Variants in GRM4 observed in about 807,000 individuals in gnomAD.
GRM4 encodes the protein metabotropic glutamate receptor 4.
In GRM4, 28 loss-of-function variants were observed where a neutral mutation model predicts 81.7. The observed-to-expected ratio is 0.34, with a 90% CI of 0.25 to 0.47. The LOEUF is 0.47. Ranked by LOEUF, GRM4 falls within the 20% of genes least tolerant of loss-of-function variation. The probability of loss-of-function intolerance (pLI) is 1.00; values close to 1 mark genes in which losing one functional copy is unlikely to be tolerated. For missense variants in GRM4, 948 were observed against 1,290.0 expected (o/e 0.73, Z 4.06); for synonymous variants, 488 against 528.8 (o/e 0.92, Z 1.06).
intron 1 of GRM4, among the ~76,000 whole-genome samples, chr6:34,144,283 C>T (rs1426966922): frequency 1.3e-5 from 2 of 152,198 alleles, no homozygotes; most frequent in Non-Finnish European, 2.9e-5. Flanking sequence ...GGCCCCGCCC[C>T]CGCGCGGGGA....
upstream of GRM4, among the ~76,000 whole-genome samples, chr6:34,149,995 C>T (rs939883958): frequency 1.3e-5 from 2 of 152,136 alleles, no homozygotes; most frequent in Admixed American, 1.3e-4. Context: ...AATTTGCTCT[C>T]AGGATACTGC....
intron 2 of GRM4, among the ~76,000 whole-genome samples, chr6:34,095,063 A>G (rs1464634993): frequency 6.6e-6 from 1 of 152,134 alleles, no homozygotes; most frequent in Non-Finnish European, 1.5e-5. Flanking sequence ...CACGGCACAC[A>G]CTGCATTCTC....
At chr6:34,143,419 G>A (rs144159282) in intron 1 of GRM4, among the ~76,000 whole-genome samples, 3 of 152,246 alleles carry the variant, frequency 2.0e-5, no homozygotes, top group African/African-American at 4.8e-5. Flanking sequence ...TTCGAGAGCC[G>A]GTTCAGCAGT....
At chr6:34,054,991 T>C (rs1387396680) in intron 6 of GRM4, 3 of 152,362 alleles carry the variant, frequency 2.0e-5, no homozygotes, top group Admixed American at 2.0e-4. Flanking sequence ...TTGTGATTAC[T>C]GCCTGATGCA....
chr6:34,062,061 C>T, intron 3 of GRM4, 33 bp from the exon 4 acceptor site: 1 of 1,587,906 alleles, frequency 6.3e-7, no homozygotes, highest in Non-Finnish European at 8.6e-7. Context: ...TTGGGGTGGG[C>T]AGGGGAACCT....
rs1769540780 is a variant in GRM4 at position 34,115,153 on chromosome 6, C to T, written c.519+17825G>A. ...GGTTGAGAGGTGGTCAGGGCCCTGC[C>T]TAAACGCCAACACGCTGCCTCTGGG... On this transcript the variant is annotated intron_variant, in intron 2 of 10. Coordinates refer to ENST00000538487, the MANE Select transcript of GRM4 (RefSeq NM_000841.4). The surrounding 1 kb of genome is among the most constrained non-coding windows in gnomAD (Gnocchi z 4.1). Among the ~76,000 whole-genome samples, 1 of 152,204 alleles carries T rather than the reference C, an allele frequency of 6.6e-6. No homozygotes were observed. Among genetic ancestry groups the T allele is most frequent in the Admixed American group, 6.5e-5 (1 of 15,278 alleles).
At chr6:34,030,058 G>T (rs570792034) in intron 9 of GRM4, among the ~76,000 whole-genome samples, 14 of 152,340 alleles carry the variant, frequency 9.2e-5, no homozygotes, top group Admixed American at 7.8e-4. Flanking sequence ...GGAGGGAAAG[G>T]TCATGACCAG....
chr6:34,134,932 C>G (rs1033217875), intron 1 of GRM4, among the ~76,000 whole-genome samples: 9 of 152,226 alleles, frequency 5.9e-5, no homozygotes, highest in Admixed American at 1.3e-4. Flanking sequence ...CCAGCCTCCC[C>G]ACTCAAAGCC....
chr6:34,110,816 CCTGG>C (rs1769344554), intron 2 of GRM4: 1 of 1,381,992 alleles, frequency 7.2e-7, no homozygotes, highest in African/African-American at 1.5e-5. Flanking sequence ...ATCTGTCTTG[CCTGG>C]CAGCTCTCCT....
chr6:34,023,050 G>A lies in GRM4; in HGVS notation c.2690-180C>T, dbSNP rs773848763. Among the ~76,000 whole-genome samples the A allele has an allele frequency of 7.1e-4, 108 of 152,220 alleles. 1 individual carries two copies. Among genetic ancestry groups the A allele is most frequent in the Admixed American group, 2.2e-3 (33 of 15,286 alleles). On this transcript the variant is annotated intron_variant, in intron 10 of 10. Coordinates refer to ENST00000538487, the MANE Select transcript of GRM4 (RefSeq NM_000841.4). ...TGCACCGGCCCCGCCTGGCCCACCC[G>A]GTTGCTTCTCCTGCTGTTCCTAGCT...
intron 3 of GRM4, among the ~76,000 whole-genome samples, chr6:34,085,891 C>T (rs1273826965): frequency 6.6e-6 from 1 of 152,140 alleles, no homozygotes; most frequent in Non-Finnish European, 1.5e-5. Context: ...CGAGAAGATA[C>T]CTGAAGACAC....
chr6:34,100,506 A>ACACTCTCCCAGCATC, intron 2 of GRM4, among the ~76,000 whole-genome samples: 1 of 151,996 alleles, frequency 6.6e-6, no homozygotes, highest in South Asian at 2.1e-4. Flanking sequence ...CTCCCCCCAT[A>ACACTCTCCCAGCATC]CACTCTCCCA....
chr6:34,066,985 T>C (rs901863572), intron 3 of GRM4, among the ~76,000 whole-genome samples: 1 of 152,078 alleles, frequency 6.6e-6, no homozygotes, highest in Non-Finnish European at 1.5e-5. Context: ...CCTGCCTTCC[T>C]CCACCTTCCT....
At chr6:34,097,365 T>C (rs1335231542) in intron 2 of GRM4, among the ~76,000 whole-genome samples, 1 of 152,090 alleles carries the variant, frequency 6.6e-6, no homozygotes, top group Non-Finnish European at 1.5e-5. Context: ...TGAACATGTA[T>C]GCATGCCTGT....
intron 2 of GRM4, among the ~76,000 whole-genome samples, chr6:34,104,060 T>G (rs1400418813): frequency 6.6e-6 from 1 of 152,228 alleles, no homozygotes; most frequent in Non-Finnish European, 1.5e-5. Flanking sequence ...CCTCCGAAGC[T>G]GAGGAACATG....
chr6:34,154,114 T>C (rs1771099853), intron 1 of GRM4, among the ~76,000 whole-genome samples: 1 of 152,220 alleles, frequency 6.6e-6, no homozygotes, highest in African/African-American at 2.4e-5. Flanking sequence ...TTCAGCCGTA[T>C]TCAGCCTGGG....
rs1242058233 is a variant in GRM4 at position 34,047,055 on chromosome 6, G to C, written c.1169-6307C>G. 6.6e-6 allele frequency among the ~76,000 whole-genome samples: 1 copy of C among 152,124 alleles called. No homozygotes were observed. Among genetic ancestry groups the C allele is most frequent in the Non-Finnish European group, 1.5e-5 (1 of 68,010 alleles). On this transcript the variant is annotated intron_variant, in intron 6 of 10. Transcript: ENST00000538487. The surrounding 1 kb of genome is among the most constrained non-coding windows in gnomAD (Gnocchi z 4.5). ...TATACACTCTAGGCCAAGTATGGGA[G>C]TGTTCTAGTGCCTCAGTCTCCCAAG...
At chr6:34,112,494 G>A (rs1001916078) in intron 2 of GRM4, among the ~76,000 whole-genome samples, 1 of 152,162 alleles carries the variant, frequency 6.6e-6, no homozygotes, top group Non-Finnish European at 1.5e-5. Context: ...GGAGGTCCCT[G>A]TTGTTGGGTC....
At chr6:34,107,529 G>A (rs970905128) in intron 2 of GRM4, among the ~76,000 whole-genome samples, 5 of 152,168 alleles carry the variant, frequency 3.3e-5, no homozygotes, top group Non-Finnish European at 5.9e-5. Flanking sequence ...ATGAGAGCCC[G>A]GAACAAGGTC....
Sources: allele counts gnomAD v4.1 joint callset (sites outside exome capture counted in the v4.1 genomes callset), GRCh38; gene constraint gnomAD v4.1.1; non-coding constraint Gnocchi (gnomAD v3.1); transcripts MANE v1.5; gene names NCBI Gene and HGNC (gene_info 2026-07-23, HGNC 2026-07-21).